ERICH1: variants seen among roughly 807,000 people sequenced by gnomAD.
ERICH1 encodes the protein glutamate rich 1.
ERICH1 carries 56 observed loss-of-function variants against 39.6 expected under a neutral mutation model. That is an observed-to-expected ratio of 1.41 (90% CI 1.14 to 1.77). The LOEUF (loss-of-function observed/expected upper bound fraction) is 1.77. ERICH1 is among the 40% of genes most tolerant of loss of function. ERICH1 has a pLI of 0.00. For missense variants in ERICH1, 826 were observed against 575.4 expected, an observed-to-expected ratio of 1.44 and a Z score of -4.45; for synonymous variants, 313 against 223.6, an observed-to-expected ratio of 1.40 and a Z score of -3.57.
intron 1 of ERICH1, among the ~76,000 whole-genome samples, chr8:718,657 T>C (rs1816593708): frequency 1.3e-5 from 2 of 151,838 alleles, no homozygotes; most frequent in African/African-American, 4.8e-5. Context: ...ACCCTGGGAG[T>C]CACAAGCTCC....
intron 1 of ERICH1, among the ~76,000 whole-genome samples, chr8:726,182 A>C (rs532228719): frequency 6.6e-6 from 1 of 152,292 alleles, no homozygotes; most frequent in Non-Finnish European, 1.5e-5. Context: ...ATGGAAACAA[A>C]TCTGAGCCAG....
chr8:671,080 A>C (rs1251622844), intron 4 of ERICH1, among the ~76,000 whole-genome samples: 1 of 125,268 alleles, frequency 8.0e-6, no homozygotes, highest in African/African-American at 3.1e-5. Context: ...TGAACCTGCC[A>C]GCCCCGGCTC....
At chr8:660,450 C>T (rs916882559), downstream of ERICH1, among the ~76,000 whole-genome samples, 1 of 152,186 alleles carries the variant, frequency 6.6e-6, no homozygotes, top group African/African-American at 2.4e-5. Context: ...TGAGGTGTGG[C>T]AGCGGCCACA....
chr8:632,909 G>A (rs1178586384), intron 3 of ERICH1, among the ~76,000 whole-genome samples: 3 of 152,186 alleles, frequency 2.0e-5, no homozygotes, highest in African/African-American at 4.8e-5. Context: ...TGCACAAGAC[G>A]TCCCACGGTG....
chr8:649,189 G>A (rs1480827066), intron 3 of ERICH1, among the ~76,000 whole-genome samples: 1 of 68,962 alleles, frequency 1.5e-5, no homozygotes, highest in African/African-American at 3.7e-5. Flanking sequence ...TAGACATGGG[G>A]GGCAGGAAAC....
chr8:633,342 G>C (rs1172403499), intron 3 of ERICH1, among the ~76,000 whole-genome samples: 4 of 152,192 alleles, frequency 2.6e-5, no homozygotes, highest in Admixed American at 2.6e-4. Flanking sequence ...AATGGATCAG[G>C]ATGCACTTGT....
chr8:644,397 G>GCAAGCTAA (rs1311641824), intron 3 of ERICH1, among the ~76,000 whole-genome samples: 1 of 72,004 alleles, frequency 1.4e-5, no homozygotes, highest in Non-Finnish European at 4.5e-5. Flanking sequence ...TCAAAGTCAA[G>GCAAGCTAA]GAAGATTCTT....
At chr8:660,588 C>T (rs1171475249), downstream of ERICH1, among the ~76,000 whole-genome samples, 2 of 152,208 alleles carry the variant, frequency 1.3e-5, no homozygotes, top group Admixed American at 6.5e-5. Flanking sequence ...AAAGACACTG[C>T]GAGGCGGCAA....
chr8:656,270 C>A (rs1410305269), intron 3 of ERICH1, among the ~76,000 whole-genome samples: 1 of 152,218 alleles, frequency 6.6e-6, no homozygotes, highest in Non-Finnish European at 1.5e-5. Flanking sequence ...TGGATCCCCC[C>A]TGCAAAGCTG....
chr8:631,773 C>G (rs1215060325), intron 3 of ERICH1, among the ~76,000 whole-genome samples: 1 of 152,160 alleles, frequency 6.6e-6, no homozygotes, highest in Non-Finnish European at 1.5e-5. Context: ...TTCCCGAGAA[C>G]TGCCATGTTT....
chr8:677,195 A>G (rs1805045996), intron 3 of ERICH1, among the ~76,000 whole-genome samples: 1 of 152,208 alleles, frequency 6.6e-6, no homozygotes, highest in African/African-American at 2.4e-5. Flanking sequence ...AAGCAGTCGC[A>G]TCGGTTTCTC....
chr8:657,606 GT>G (rs1451255324), intron 3 of ERICH1, among the ~76,000 whole-genome samples: 2 of 150,772 alleles, frequency 1.3e-5, no homozygotes, highest in African/African-American at 4.9e-5. Context: ...ATGGGTCTCT[GT>G]GGGGAAATGC....
At chr8:694,400 G>C (rs779519739) in intron 2 of ERICH1, among the ~76,000 whole-genome samples, 1 of 152,194 alleles carries the variant, frequency 6.6e-6, no homozygotes, top group Non-Finnish European at 1.5e-5. Context: ...ATCTTTCTTA[G>C]TAAGAAAGTT....
At chr8:659,018 GGGGTGACCATCGAGATCTCCGGT>G (rs1801053805) in intron 3 of ERICH1, among the ~76,000 whole-genome samples, 2 of 114,660 alleles carry the variant, frequency 1.7e-5, no homozygotes, top group Admixed American at 9.2e-5. Context: ...TCCTGGGGAG[GGGGTGACCATCGAGATCTCCGGT>G]GTGCACTGAG....
intron 2 of ERICH1, among the ~76,000 whole-genome samples, chr8:702,893 A>G (rs1245473990): frequency 1.3e-5 from 2 of 152,222 alleles, no homozygotes; most frequent in African/African-American, 2.4e-5. Flanking sequence ...TGCTGAGGGT[A>G]GCAGTGGGTG....
intron 2 of ERICH1, among the ~76,000 whole-genome samples, chr8:708,649 G>C (rs1455911804): frequency 6.8e-6 from 1 of 147,268 alleles, no homozygotes; most frequent in Non-Finnish European, 1.5e-5. Context: ...GAGGGAGTGG[G>C]GAATGGGGGC....
At chr8:632,332 A>AT (rs1798093373) in intron 3 of ERICH1, among the ~76,000 whole-genome samples, 1 of 151,982 alleles carries the variant, frequency 6.6e-6, no homozygotes, top group Non-Finnish European at 1.5e-5. Flanking sequence ...GCAGTAAAAA[A>AT]AAAATAATAA....
In ERICH1 at chr8:693,547, GGTC is replaced by G. The variant is rs548089629; in HGVS notation, c.170-938_170-936del. Reference sequence around the variant, plus strand: ...CCCCGCTGTATGCTCCTCTACCAGAGGTCGTTACCACCGTGGACAGCTGCTGGG... The same window carrying G: ...CCCCGCTGTATGCTCCTCTACCAGAGGTTACCACCGTGGACAGCTGCTGGG... On this transcript the variant is annotated intron_variant, in intron 2 of 5. Transcript: ENST00000262109. Among the ~76,000 whole-genome samples, 1,510 of 152,328 alleles carry G rather than the reference GGTC, an allele frequency of 9.9e-3. 11 individuals are homozygous for G. The highest frequency in any genetic ancestry group is 0.017 in the Non-Finnish European group (1,139 of 68,036).
chr8:637,691 C>G (rs1798550407), intron 3 of ERICH1: 2 of 152,374 alleles, frequency 1.3e-5, no homozygotes, highest in Admixed American at 6.5e-5. Context: ...TAGGGCAACA[C>G]AGCCCCACCG....
Sources: allele counts gnomAD v4.1 joint callset (sites outside exome capture counted in the v4.1 genomes callset), GRCh38; gene constraint gnomAD v4.1.1; transcripts MANE v1.5; gene names NCBI Gene and HGNC (gene_info 2026-07-23, HGNC 2026-07-21).